CDH12: variants seen among roughly 807,000 people sequenced by gnomAD.
The protein encoded by CDH12 is cadherin-12.
In CDH12, 41 loss-of-function variants were observed where a neutral mutation model predicts 74.1. The ratio of observed to expected loss-of-function variants is 0.55; its 90% CI spans 0.43 to 0.72. CDH12 has a LOEUF of 0.72. CDH12 is among the 30% of genes least tolerant of loss of function. CDH12 has a pLI of 0.00. For missense variants in CDH12, 945 were observed against 977.2 expected (o/e 0.97, Z 0.44); for synonymous variants, 399 against 355.0 (o/e 1.12, Z -1.39).
chr5:22,467,739 C>T (rs1179821153), intron 2 of CDH12, among the ~76,000 whole-genome samples: 1 of 152,128 alleles, frequency 6.6e-6, no homozygotes, highest in African/African-American at 2.4e-5. Flanking sequence ...CATCTAATGA[C>T]TAAATATAAC....
At chr5:21,853,686 A>G (rs1561243837) in intron 7 of CDH12, among the ~76,000 whole-genome samples, 1 of 151,722 alleles carries the variant, frequency 6.6e-6, no homozygotes, top group Non-Finnish European at 1.5e-5. Context: ...CTCAGGAAGT[A>G]TCAATTATAA....
intron 1 of CDH12, among the ~76,000 whole-genome samples, chr5:22,691,923 T>C (rs970001901): frequency 6.6e-6 from 1 of 152,214 alleles, no homozygotes; most frequent in Non-Finnish European, 1.5e-5. Context: ...TACATGTTTT[T>C]CTTTTCCTCC....
At chr5:22,043,143 A>T (rs1047718152) in intron 5 of CDH12, among the ~76,000 whole-genome samples, 2 of 152,126 alleles carry the variant, frequency 1.3e-5, no homozygotes, top group Non-Finnish European at 2.9e-5. Flanking sequence ...ACACAACCAC[A>T]ACAAAAAAAT....
At chr5:21,904,937 C>G (rs1180194617) in intron 6 of CDH12, among the ~76,000 whole-genome samples, 1 of 152,064 alleles carries the variant, frequency 6.6e-6, no homozygotes, top group Non-Finnish European at 1.5e-5. Context: ...ATAGAAAAGT[C>G]CCCCCAAATA....
intron 1 of CDH12, among the ~76,000 whole-genome samples, chr5:22,755,506 CACGAGCAAAGT>C (rs1745847118): frequency 6.6e-6 from 1 of 152,036 alleles, no homozygotes; most frequent in Non-Finnish European, 1.5e-5. Context: ...CATTTACTAT[CACGAGCAAAGT>C]AATGCACATT....
chr5:21,901,265 T>C (rs1013645201), intron 6 of CDH12, among the ~76,000 whole-genome samples: 1 of 152,154 alleles, frequency 6.6e-6, no homozygotes. Context: ...TTATAAGTCA[T>C]ATTATTATAG....
chr5:22,580,453 T>C, intron 1 of CDH12: 1 of 512,068 alleles, frequency 2.0e-6, no homozygotes, highest in Non-Finnish European at 4.0e-6. Flanking sequence ...TTGACAAACC[T>C]GGCGACTGCA....
chr5:22,450,070 AAGAC>A (rs1279456959), intron 2 of CDH12, among the ~76,000 whole-genome samples: 4 of 152,052 alleles, frequency 2.6e-5, no homozygotes, highest in Admixed American at 1.3e-4. Context: ...TTAATTACAG[AAGAC>A]AGTCTGTGGT....
chr5:22,781,150 T>C (rs1026205001), intron 1 of CDH12, among the ~76,000 whole-genome samples: 6 of 152,214 alleles, frequency 3.9e-5, no homozygotes, highest in Admixed American at 6.5e-5. Context: ...ATATAAAGTG[T>C]GCATTCCAAT....
At chr5:21,858,093 T>C (rs1271735340) in intron 6 of CDH12, among the ~76,000 whole-genome samples, 1 of 151,678 alleles carries the variant, frequency 6.6e-6, no homozygotes, top group East Asian at 1.9e-4. Context: ...TTAACCTTAA[T>C]TACCACCTGA....
chr5:22,476,831 T>C (rs1218137101), intron 2 of CDH12, among the ~76,000 whole-genome samples: 10 of 152,150 alleles, frequency 6.6e-5, no homozygotes, highest in Non-Finnish European at 1.2e-4. Flanking sequence ...TTATAGATTA[T>C]ACAATATCTG....
chr5:21,755,564 T>C, intron 14 of CDH12, 27 bp downstream of exon 14: 8 of 1,594,288 alleles, frequency 5.0e-6, no homozygotes, highest in Non-Finnish European at 6.0e-6. Flanking sequence ...CGAGAAAAAA[T>C]TAACAATGAT....
chr5:21,773,979 C>A (rs1745460891), intron 11 of CDH12, among the ~76,000 whole-genome samples: 1 of 152,060 alleles, frequency 6.6e-6, no homozygotes, highest in Admixed American at 6.6e-5. Context: ...TTATTGTCTT[C>A]ATTTGGTGAT....
At chr5:22,129,784 T>C (rs1181082308) in intron 4 of CDH12, among the ~76,000 whole-genome samples, 1 of 152,050 alleles carries the variant, frequency 6.6e-6, no homozygotes, top group Non-Finnish European at 1.5e-5. Context: ...TATTATTACT[T>C]AGCAACAGTG....
intron 12 of CDH12, among the ~76,000 whole-genome samples, chr5:21,762,916 A>C (rs1029132650): frequency 1.8e-4 from 27 of 149,652 alleles, no homozygotes; most frequent in African/African-American, 6.4e-4. Flanking sequence ...AGGCATCCTG[A>C]AAGTGGAAAA....
Position 22,277,747 on chromosome 5 carries a change from T to C in CDH12, c.-332-65104A>G, listed in dbSNP as rs536432420. On this transcript the variant is annotated intron_variant, in intron 3 of 14. Coordinates refer to ENST00000382254, the MANE Select transcript of CDH12 (RefSeq NM_004061.5). ...TACTCAGGAGGCTGAGGCAGGAGAA[T>C]TGCTTGAACCCGGGAGGTGGAGATT... Among the ~76,000 whole-genome samples the C allele has an allele frequency of 2.5e-3, 382 of 152,224 alleles. 8 individuals are homozygous for C. The highest frequency in any genetic ancestry group is 8.8e-4 in the Non-Finnish European group (60 of 68,024).
intron 6 of CDH12, among the ~76,000 whole-genome samples, chr5:21,894,406 A>AAAGCAT (rs997185825): frequency 1.3e-5 from 2 of 150,088 alleles, no homozygotes; most frequent in Admixed American, 1.3e-4. Flanking sequence ...AAAAAAAAAG[A>AAAGCAT]AAGCATAAAT....
intron 3 of CDH12, among the ~76,000 whole-genome samples, chr5:22,325,476 T>A: frequency 6.6e-6 from 1 of 152,162 alleles, no homozygotes; most frequent in East Asian, 1.9e-4. Flanking sequence ...TTATATCACA[T>A]TAACTATACA....
chr5:22,770,018 G>T (rs757660367), intron 1 of CDH12, among the ~76,000 whole-genome samples: 1 of 150,898 alleles, frequency 6.6e-6, no homozygotes. Context: ...TATAAAATAA[G>T]CTGCACTTAC....
Sources: gnomAD v4.1 joint callset for allele counts (sites outside exome capture counted in the v4.1 genomes callset) on GRCh38, gnomAD v4.1.1 for gene constraint, MANE v1.5 for transcripts, NCBI Gene and HGNC (gene_info 2026-07-23, HGNC 2026-07-21) for gene names.